Variants in TNC observed in about 807,000 individuals in gnomAD.
TNC encodes the protein tenascin.
In TNC, 109 loss-of-function variants were observed where a neutral mutation model predicts 202.4. The ratio of observed to expected loss-of-function variants is 0.54; its 90% confidence interval spans 0.46 to 0.63. TNC has a LOEUF of 0.63. TNC is among the 30% of genes least tolerant of loss of function. TNC has a pLI of 0.00. For missense variants in TNC, 2,756 were observed against 2,833.3 expected (o/e 0.97, Z 0.62); for synonymous variants, 1,007 against 1,089.7 (o/e 0.92, Z 1.50).
intron 19 of TNC, 82 bp from the exon 20 acceptor site, chr9:115,038,462 T>G (rs1830496591): frequency 6.5e-7 from 1 of 1,540,224 alleles, no homozygotes; most frequent in Admixed American, 1.8e-5. Context: ...ACACTGCTTA[T>G]GGAGTCCTGA....
chr9:115,046,328 G>A, intron 17 of TNC, 82 bp downstream of exon 17: 1 of 1,500,570 alleles, frequency 6.7e-7, no homozygotes, highest in East Asian at 2.3e-5. Flanking sequence ...TGCATCCAAA[G>A]CTCCTGTGAT....
At chr9:115,077,469 C>T (rs951697532) in intron 7 of TNC, among the ~76,000 whole-genome samples, 1 of 152,094 alleles carries the variant, frequency 6.6e-6, no homozygotes, top group African/African-American at 2.4e-5. Context: ...GGATTACAGG[C>T]GTGAGCCACC....
chr9:115,046,387 T>G (rs1168584528), intron 17 of TNC, 23 bp downstream of exon 17: 1 of 1,612,016 alleles, frequency 6.2e-7, no homozygotes, highest in South Asian at 1.1e-5. Context: ...TTTTCTCTGT[T>G]CTCTCCTGTT....
intron 10 of TNC, among the ~76,000 whole-genome samples, chr9:115,069,860 C>T (rs1333269057): frequency 6.9e-6 from 1 of 145,390 alleles, no homozygotes; most frequent in Non-Finnish European, 1.5e-5. Flanking sequence ...TCCTTCCTTC[C>T]TTCCTTTTCT....
Position 115,021,168 on chromosome 9 carries a change from T to C in TNC, c.6595A>G (p.Lys2199Glu). The change falls in exon 28 of 28, where the codon AAA becomes GAA. Residue 2199 changes from lysine to glutamate, a missense_variant. This residue lies in a region of TNC where 197 missense variants were observed against 287.3 expected (regional missense o/e 0.69). Transcript: ENST00000350763. ...GTGGTCCCTGGAATTTATGCCCGTT[T>C]GCGCCTGCCTTCAAGATTTCTGAAG... Reference protein sequence around the residue: ...SNFRNLEGRRKRA With the variant: ...SNFRNLEGRRERA 2.5e-6 allele frequency: 4 copies of C among 1,613,944 alleles called. No homozygotes were observed. Among genetic ancestry groups the C allele is most frequent in the South Asian group, 1.1e-5 (1 of 91,080 alleles).
chr9:115,096,895 C>T (rs1411187914), intron 1 of TNC, among the ~76,000 whole-genome samples: 2 of 152,116 alleles, frequency 1.3e-5, no homozygotes, highest in Non-Finnish European at 2.9e-5. Context: ...GAATCTTCTC[C>T]CCACGTTAAA....
At chr9:115,044,092 C>T (rs1830985301) in intron 17 of TNC, among the ~76,000 whole-genome samples, 2 of 152,046 alleles carry the variant, frequency 1.3e-5, no homozygotes, top group Admixed American at 1.3e-4. Context: ...TCTCCCACTG[C>T]CCTTTCTACT....
chr9:115,079,864 T>A (rs1328530713), intron 6 of TNC, among the ~76,000 whole-genome samples: 4 of 152,202 alleles, frequency 2.6e-5, no homozygotes, highest in Non-Finnish European at 4.4e-5. Flanking sequence ...ATACCACCTT[T>A]ATATAGATGC....
chr9:115,074,940 G>T (rs1436885022), intron 9 of TNC, among the ~76,000 whole-genome samples: 1 of 152,094 alleles, frequency 6.6e-6, no homozygotes, highest in African/African-American at 2.4e-5. Context: ...CTGGGTGATG[G>T]GCACAGGGGA....
chr9:115,048,232 A>G (rs766583812), intron 16 of TNC, 28 bp downstream of exon 16: 22 of 1,607,642 alleles, frequency 1.4e-5, no homozygotes, highest in Non-Finnish European at 1.8e-5. Flanking sequence ...CAGGAAGAGG[A>G]ACAAATGGCT....
chr9:115,022,397 T>G (rs925145599), intron 27 of TNC, among the ~76,000 whole-genome samples: 3 of 152,212 alleles, frequency 2.0e-5, no homozygotes, highest in Non-Finnish European at 4.4e-5. Context: ...TCTTGTACTG[T>G]GGTGGGCACT....
At position 115,073,716 on chromosome 9, in the gene TNC, T is replaced by C; in HGVS notation, c.3101A>G (p.Asn1034Ser). The change falls in exon 10 of 28, where the codon AAC (asparagine) becomes AGC (serine). Residue 1034 changes from asparagine to serine, a missense_variant. By Grantham distance (46) the Asn-to-Ser change is conservative. Around this residue, in one of 2 missense-constraint regions of TNC, gnomAD observed 2,559 missense variants for 2,546.0 expected, o/e 1.01. Transcript: ENST00000350763. ...GQWVGVQLPR[N>S]TTSYVLRGLE... ...GCCTCTCAGGACATAGGAAGTGGTG[T>C]TTCTTGGAAGCTGCACTCCCACCCA... 1 of 1,614,102 alleles carries C rather than the reference T, an allele frequency of 6.2e-7. No individual in the cohort carries two copies. Among genetic ancestry groups the C allele is most frequent in the Non-Finnish European group, 8.5e-7 (1 of 1,180,014 alleles).
At chr9:115,024,718 T>A (rs1829346167) in intron 26 of TNC, among the ~76,000 whole-genome samples, 1 of 152,226 alleles carries the variant, frequency 6.6e-6, no homozygotes, top group Non-Finnish European at 1.5e-5. Context: ...CCCTAAATAG[T>A]CTCTGTATCA....
At chr9:115,053,769 T>A (rs547552291) in intron 15 of TNC, among the ~76,000 whole-genome samples, 10 of 152,228 alleles carry the variant, frequency 6.6e-5, no homozygotes, top group African/African-American at 2.2e-4. Context: ...ATCTATATTT[T>A]ACCATTTAAT....
chr9:115,048,349 C>T lies in TNC; in HGVS notation c.4763G>A (p.Gly1588Asp). ...CTCATAGCCAATGCCAGTTATGAGGCCTCTAAGCTCCAGCTTCCTCTGGGT... is the reference window on the plus strand; with the variant it reads ...CTCATAGCCAATGCCAGTTATGAGGTCTCTAAGCTCCAGCTTCCTCTGGGT... ...SGTQRKLELR[G>D]LITGIGYEVM... The change falls in exon 16 of 28, where the codon GGC (glycine) becomes GAC (aspartate). Residue 1588 changes from glycine to aspartate, a missense_variant. Around this residue, in one of 2 missense-constraint regions of TNC, gnomAD observed 2,559 missense variants for 2,546.0 expected, o/e 1.01. Coordinates refer to ENST00000350763, the MANE Select transcript of TNC (RefSeq NM_002160.4). 6.2e-7 allele frequency: 1 copy of T among 1,614,052 alleles called. No homozygotes were observed. The highest frequency in any genetic ancestry group is 8.5e-7 in the Non-Finnish European group (1 of 1,179,970).
At chr9:115,095,652 A>G (rs9657670) in intron 1 of TNC, among the ~76,000 whole-genome samples, 1 of 14,436 alleles carries the variant, frequency 6.9e-5, no homozygotes, top group African/African-American at 2.1e-4. Flanking sequence ...ATATATATGT[A>G]TATATATGTA....
chr9:115,030,499 G>A, intron 23 of TNC, 94 bp from the exon 24 acceptor site: 1 of 1,333,542 alleles, frequency 7.5e-7, no homozygotes, highest in Non-Finnish European at 1.0e-6. Context: ...GAATGCCTGG[G>A]GAATTTCCAG....
chr9:115,026,446 A>C, intron 26 of TNC, 88 bp downstream of exon 26: 2 of 1,390,866 alleles, frequency 1.4e-6, no homozygotes, highest in Non-Finnish European at 2.0e-6. Flanking sequence ...TGGATTAATG[A>C]GGAAGGAATG....
intron 25 of TNC, among the ~76,000 whole-genome samples, chr9:115,027,377 G>A (rs780680788): frequency 1.7e-4 from 26 of 151,924 alleles, no homozygotes; most frequent in Non-Finnish European, 3.4e-4. Flanking sequence ...ATCATCTGAG[G>A]TCAGGAGTTC....
Sources: allele counts gnomAD v4.1 joint callset (sites outside exome capture counted in the v4.1 genomes callset), GRCh38; gene constraint gnomAD v4.1.1; regional missense constraint gnomAD v4.1.1; transcripts MANE v1.5; gene names NCBI Gene and HGNC (gene_info 2026-07-23, HGNC 2026-07-21).